Variants in NELL1 observed in about 807,000 individuals in gnomAD.
NELL1 encodes the protein protein kinase C-binding protein NELL1.
NELL1 carries 76 observed loss-of-function variants against 107.4 expected under a neutral mutation model. The observed-to-expected ratio is 0.71, with a 90% CI of 0.59 to 0.86. NELL1 has a LOEUF of 0.86. Among genes scored for constraint, NELL1 ranks in the 40% least tolerant of loss-of-function variants. The pLI is 0.00. For missense variants in NELL1, 1,024 were observed against 1,005.5 expected (o/e 1.02, Z -0.25); for synonymous variants, 353 against 341.2 (o/e 1.03, Z -0.38).
intron 14 of NELL1, among the ~76,000 whole-genome samples, chr11:21,366,601 T>G (rs1851229042): frequency 6.6e-6 from 1 of 152,062 alleles, no homozygotes; most frequent in Non-Finnish European, 1.5e-5. Flanking sequence ...CCTCTTCCAC[T>G]TGAGCAGCAT....
At chr11:21,472,330 G>A (rs1013824874) in intron 15 of NELL1, among the ~76,000 whole-genome samples, 3 of 151,902 alleles carry the variant, frequency 2.0e-5, no homozygotes, top group Non-Finnish European at 2.9e-5. Flanking sequence ...CCAGATACCC[G>A]AGATGCTGTT....
At chr11:21,309,275 TATATGTATATATATATA>T (rs1229969925) in intron 14 of NELL1, among the ~76,000 whole-genome samples, 1 of 22,254 alleles carries the variant, frequency 4.5e-5, no homozygotes, top group Admixed American at 5.4e-4. Context: ...TATATATATA[TATATGTATATATATATA>T]TATATATGTA....
At chr11:20,871,336 C>T (rs1849192691) in intron 4 of NELL1, among the ~76,000 whole-genome samples, 2 of 152,150 alleles carry the variant, frequency 1.3e-5, no homozygotes, top group Admixed American at 1.3e-4. Flanking sequence ...GAATATTCAG[C>T]TCGCCTTAAT....
At chr11:21,303,088 A>G (rs974215559) in intron 14 of NELL1, among the ~76,000 whole-genome samples, 5 of 149,734 alleles carry the variant, frequency 3.3e-5, no homozygotes, top group Non-Finnish European at 7.5e-5. Context: ...CTATATCTAT[A>G]TCTATATCTA....
In NELL1 at chr11:20,744,187, C is replaced by T. The variant is rs961776210; in HGVS notation, c.185-39493C>T. 1.6e-4 allele frequency among the ~76,000 whole-genome samples: 24 copies of T among 152,180 alleles called. 1 individual carries two copies. Among genetic ancestry groups the T allele is most frequent in the Admixed American group, 2.6e-4 (4 of 15,284 alleles). On this transcript the variant is annotated intron_variant, in intron 2 of 19. Transcript: ENST00000357134. ...TGGTATCCTGTCCTCCACTTACGCT[C>T]CACTCTAGTCCATCCTACAGGCAAC... is the stretch of plus-strand genomic sequence containing the variant.
Position 21,388,137 on chromosome 11 carries a change from C to T in NELL1, c.1645+17189C>T, listed in dbSNP as rs541452911. On this transcript the variant is annotated intron_variant, in intron 15 of 19. Coordinates refer to ENST00000357134, the MANE Select transcript of NELL1 (RefSeq NM_006157.5). ...TCAGCCTTCCTTCTACAGAGGTGTT[C>T]ATTTTTCTTGGGCCAAATCATTAAT... 2.7e-5 allele frequency among the ~76,000 whole-genome samples: 4 copies of T among 150,564 alleles called. No homozygotes were observed. In the East Asian group the frequency reaches 7.9e-4, roughly 30 times the overall value.
chr11:21,308,898 T>C (rs985306980), intron 14 of NELL1, among the ~76,000 whole-genome samples: 8 of 151,976 alleles, frequency 5.3e-5, no homozygotes, highest in African/African-American at 1.7e-4. Context: ...TTATAGGAAT[T>C]TTATCAAAAG....
chr11:21,393,526 TAA>T (rs1433359099), intron 15 of NELL1, among the ~76,000 whole-genome samples: 6 of 151,840 alleles, frequency 4.0e-5, no homozygotes, highest in Admixed American at 1.3e-4. Flanking sequence ...ACTATAGAAA[TAA>T]AGTTATTTTT....
chr11:20,938,467 C>T (rs951426196), intron 10 of NELL1, among the ~76,000 whole-genome samples: 1 of 152,018 alleles, frequency 6.6e-6, no homozygotes, highest in Non-Finnish European at 1.5e-5. Context: ...ATTAAACAAA[C>T]GTATAATATA....
intron 11 of NELL1, among the ~76,000 whole-genome samples, chr11:20,960,090 T>C (rs1851259493): frequency 6.6e-6 from 1 of 152,040 alleles, no homozygotes; most frequent in Non-Finnish European, 1.5e-5. Flanking sequence ...ATTAATTTTA[T>C]TACTCTTTGT....
At chr11:21,107,369 C>T (rs1365317541) in intron 12 of NELL1, among the ~76,000 whole-genome samples, 1 of 152,046 alleles carries the variant, frequency 6.6e-6, no homozygotes, top group African/African-American at 2.4e-5. Flanking sequence ...AGTGATTGTT[C>T]TAATATACCA....
intron 2 of NELL1, among the ~76,000 whole-genome samples, chr11:20,780,140 A>G (rs1376047786): frequency 6.6e-6 from 1 of 152,156 alleles, no homozygotes; most frequent in Non-Finnish European, 1.5e-5. Flanking sequence ...TCTTTACTTC[A>G]GTGTGCCAAT....
In NELL1 at chr11:21,113,652, C is replaced by T. The variant is rs1240837542; in HGVS notation, c.1364C>T (p.Pro455Leu). 6.2e-7 allele frequency: 1 copy of T among 1,612,042 alleles called. No homozygotes were observed. The highest frequency in any genetic ancestry group is 2.2e-5 in the East Asian group (1 of 44,830). Reference protein sequence around the residue: ...CHANTVCVNLPGLYRCDCVPG... With the variant: ...CHANTVCVNLLGLYRCDCVPG... Reference sequence around the variant, plus strand: ...GCCAATACTGTGTGTGTCAACCTTCCTGGGTTATATCGCTGTGACTGTGTC... The same window carrying T: ...GCCAATACTGTGTGTGTCAACCTTCTTGGGTTATATCGCTGTGACTGTGTC... Residue 455 changes from proline to leucine, a missense_variant, in exon 13 of 20, where the codon CCT becomes CTT. By Grantham distance (98) the Pro-to-Leu change is moderately conservative. Coordinates refer to ENST00000357134, the MANE Select transcript of NELL1 (RefSeq NM_006157.5).
chr11:21,141,987 C>T (rs778514608), intron 13 of NELL1, among the ~76,000 whole-genome samples: 35 of 152,130 alleles, frequency 2.3e-4, no homozygotes, highest in Non-Finnish European at 4.3e-4. Flanking sequence ...TGGTCTCGAA[C>T]TCCTGACCTC....
intron 12 of NELL1, among the ~76,000 whole-genome samples, chr11:20,964,448 A>G (rs1851351023): frequency 6.6e-6 from 1 of 152,092 alleles, no homozygotes. Context: ...TTACTTGCAG[A>G]GTGTTTTAAA....
intron 12 of NELL1, among the ~76,000 whole-genome samples, chr11:21,104,163 C>T (rs1854890837): frequency 6.6e-6 from 1 of 152,078 alleles, no homozygotes; most frequent in Non-Finnish European, 1.5e-5. Context: ...TTTGTTGGTA[C>T]CATCAGTTGA....
chr11:21,413,847 G>A (rs1852438354), intron 15 of NELL1, among the ~76,000 whole-genome samples: 1 of 152,074 alleles, frequency 6.6e-6, no homozygotes. Context: ...GAGGTAAAAT[G>A]CAGGCCATAT....
chr11:20,832,045 G>C (rs1313349151), intron 3 of NELL1, among the ~76,000 whole-genome samples: 1 of 152,206 alleles, frequency 6.6e-6, no homozygotes, highest in African/African-American at 2.4e-5. Flanking sequence ...TGGGTGTGGA[G>C]GAGGCTCCTG....
At position 20,918,176 on chromosome 11, in the gene NELL1, A is replaced by T. The variant is rs367726130; in HGVS notation, c.604-6A>T. On this transcript the variant is annotated splice_polypyrimidine_tract_variant and splice_region_variant and intron_variant, in intron 5 of 19. Transcript: ENST00000357134. Reference sequence around the variant, plus strand: ...TTGATTGCCACCTGTCTCTTCTATTATCAAGGGGATCATCCAAGATGGGAA... The same window carrying T: ...TTGATTGCCACCTGTCTCTTCTATTTTCAAGGGGATCATCCAAGATGGGAA... The T allele has an allele frequency of 5.9e-5, 92 of 1,559,942 alleles. No individual in the cohort carries two copies. The highest frequency in any genetic ancestry group is 7.8e-5 in the Non-Finnish European group (88 of 1,131,668).
Sources: gnomAD v4.1 joint callset for allele counts (sites outside exome capture counted in the v4.1 genomes callset) on GRCh38, gnomAD v4.1.1 for gene constraint, MANE v1.5 for transcripts, NCBI Gene and HGNC (gene_info 2026-07-23, HGNC 2026-07-21) for gene names.